The following SRPK2 variants were observed in gnomAD, a reference collection of about 807,000 sequenced individuals.
SRPK2 encodes the protein SRSF protein kinase 2, also known as SFRS protein kinase 2.
SRPK2 carries 21 observed loss-of-function variants against 90.8 expected under a neutral mutation model. The observed-to-expected ratio is 0.23, with a 90% CI of 0.16 to 0.33. The LOEUF is 0.33. Ranked by LOEUF, SRPK2 falls within the 10% of genes least tolerant of loss-of-function variation. The pLI is 1.00. For missense variants in SRPK2, 620 were observed against 869.0 expected, an observed-to-expected ratio of 0.71 and a Z score of 3.60; for synonymous variants, 288 against 311.1, an observed-to-expected ratio of 0.93 and a Z score of 0.78.
At chr7:105,248,260 T>G (rs1316796610) in intron 2 of SRPK2, among the ~76,000 whole-genome samples, 1 of 152,074 alleles carries the variant, frequency 6.6e-6, no homozygotes, top group Non-Finnish European at 1.5e-5. Flanking sequence ...TAAACACCAG[T>G]ATCCTAGCCT....
chr7:105,383,113 G>A (rs1257120704), intron 2 of SRPK2, among the ~76,000 whole-genome samples: 1 of 127,666 alleles, frequency 7.8e-6, no homozygotes, highest in African/African-American at 3.2e-5. Context: ...CGCCCAGGCT[G>A]GAGTGCAGTG....
chr7:105,394,522 A>C (rs574327198), intron 1 of SRPK2, among the ~76,000 whole-genome samples: 1 of 152,324 alleles, frequency 6.6e-6, no homozygotes, highest in African/African-American at 2.4e-5. Flanking sequence ...TTGGCAAGTT[A>C]CTTAATTACA....
intron 2 of SRPK2, among the ~76,000 whole-genome samples, chr7:105,260,399 A>T (rs1293578944): frequency 6.6e-6 from 1 of 152,218 alleles, no homozygotes; most frequent in East Asian, 1.9e-4. Context: ...GCTGGAGAGG[A>T]TGTGGAGAAA....
chr7:105,264,009 T>G (rs1390541967), intron 2 of SRPK2, among the ~76,000 whole-genome samples: 1 of 152,184 alleles, frequency 6.6e-6, no homozygotes, highest in East Asian at 1.9e-4. Flanking sequence ...TATCAACAAA[T>G]GTTTTTCCTA....
chr7:105,349,006 C>T (rs1053732000), intron 2 of SRPK2, among the ~76,000 whole-genome samples: 3 of 150,396 alleles, frequency 2.0e-5, no homozygotes, highest in East Asian at 2.0e-4. Context: ...ATTAGCCGGG[C>T]GTGGTGGCGC....
At chr7:105,116,051 A>T (rs931936516), downstream of SRPK2, among the ~76,000 whole-genome samples, 5 of 152,154 alleles carry the variant, frequency 3.3e-5, no homozygotes, top group Admixed American at 6.5e-5. Flanking sequence ...TCCTAAGAGG[A>T]TTATGTGTCT....
At chr7:105,310,794 T>C (rs1399527996) in intron 2 of SRPK2, among the ~76,000 whole-genome samples, 1 of 152,222 alleles carries the variant, frequency 6.6e-6, no homozygotes, top group African/African-American at 2.4e-5. Flanking sequence ...ATTCTACTTA[T>C]TTTTCCTTTG....
chr7:105,293,241 T>G (rs1809304020), intron 2 of SRPK2, among the ~76,000 whole-genome samples: 1 of 151,550 alleles, frequency 6.6e-6, no homozygotes, highest in African/African-American at 2.4e-5. Context: ...GAGGTTGTAG[T>G]GATCGCACCA....
At chr7:105,312,437 C>CAAAAAAAAAAAAAAAAAAAAAAAAAAAAA (rs61348366) in intron 2 of SRPK2, among the ~76,000 whole-genome samples, 1 of 84,862 alleles carries the variant, frequency 1.2e-5, no homozygotes, top group African/African-American at 4.8e-5. Flanking sequence ...GAGACTCCGT[C>CAAAAAAAAAAAAAAAAAAAAAAAAAAAAA]AAAAAAAAAA....
intron 2 of SRPK2, among the ~76,000 whole-genome samples, chr7:105,316,037 T>G (rs1812272091): frequency 6.6e-6 from 1 of 151,144 alleles, no homozygotes; most frequent in South Asian, 2.1e-4. Flanking sequence ...TTTTTTTTTT[T>G]TTTTGAGACT....
chr7:105,388,979 G>A, upstream of SRPK2: 1 of 1,058,932 alleles, frequency 9.4e-7, no homozygotes, highest in Non-Finnish European at 1.1e-6. Flanking sequence ...CCCCCGTCCG[G>A]CCCCGCCCCC....
At chr7:105,335,516 T>C (rs1188314602) in intron 2 of SRPK2, among the ~76,000 whole-genome samples, 2 of 151,736 alleles carry the variant, frequency 1.3e-5, no homozygotes, top group East Asian at 3.9e-4. Context: ...TCAAAATTGG[T>C]CATGGTGTTG....
At chr7:105,299,998 T>A (rs1439028431) in intron 2 of SRPK2, among the ~76,000 whole-genome samples, 4 of 152,118 alleles carry the variant, frequency 2.6e-5, no homozygotes, top group African/African-American at 9.7e-5. Context: ...AAATTAAATA[T>A]AATAAATATT....
At chr7:105,227,533 C>A (rs1180460935) in intron 2 of SRPK2, among the ~76,000 whole-genome samples, 2 of 152,094 alleles carry the variant, frequency 1.3e-5, no homozygotes, top group Non-Finnish European at 2.9e-5. Context: ...CAATGAAATA[C>A]CACTTCATGT....
At chr7:105,291,835 A>C (rs763138053) in intron 2 of SRPK2, among the ~76,000 whole-genome samples, 5 of 152,208 alleles carry the variant, frequency 3.3e-5, no homozygotes, top group Non-Finnish European at 7.3e-5. Flanking sequence ...AAGAAAAAAT[A>C]TCTCTACTTG....
At chr7:105,325,370 C>G (rs1813438931) in intron 2 of SRPK2, among the ~76,000 whole-genome samples, 1 of 151,468 alleles carries the variant, frequency 6.6e-6, no homozygotes, top group Admixed American at 6.6e-5. Flanking sequence ...GCTAAGGAAC[C>G]CTGTTGATCC....
At chr7:105,182,316 C>G (rs73186007) in intron 3 of SRPK2, among the ~76,000 whole-genome samples, 9 of 150,796 alleles carry the variant, frequency 6.0e-5, no homozygotes, top group African/African-American at 9.7e-5. Flanking sequence ...GATAGCATGA[C>G]GACAAGCACA....
chr7:105,355,738 T>G (rs1817708670), intron 2 of SRPK2, among the ~76,000 whole-genome samples: 1 of 152,030 alleles, frequency 6.6e-6, no homozygotes, highest in South Asian at 2.1e-4. Context: ...AGACACAGCC[T>G]GAGTTAGGGT....
chr7:105,318,052 G>C (rs1050072236), intron 2 of SRPK2, among the ~76,000 whole-genome samples: 22 of 151,950 alleles, frequency 1.4e-4, no homozygotes, highest in Admixed American at 5.3e-4. Flanking sequence ...CCACCATGCC[G>C]AGCCAAAAGC....
Sources: allele counts gnomAD v4.1 joint callset (sites outside exome capture counted in the v4.1 genomes callset), GRCh38; gene constraint gnomAD v4.1.1; transcripts MANE v1.5; gene names NCBI Gene and HGNC (gene_info 2026-07-23, HGNC 2026-07-21).